RGL1: variants seen among roughly 807,000 people sequenced by gnomAD.
RGL1 encodes the protein ral guanine nucleotide dissociation stimulator like 1.
Under a neutral mutation model 95.2 loss-of-function variants are expected in RGL1, and 24 were observed. That is an observed-to-expected ratio of 0.25 (90% CI 0.18 to 0.35). The LOEUF is 0.35. Ranked by LOEUF, RGL1 falls within the 10% of genes least tolerant of loss-of-function variation. RGL1 has a pLI of 1.00. For synonymous variants in RGL1, 329 were observed against 344.9 expected (o/e 0.95, Z 0.51); for missense variants, 715 against 936.3 (o/e 0.76, Z 3.08).
At chr1:183,879,500 C>G (rs1325658596) in intron 4 of RGL1, among the ~76,000 whole-genome samples, 1 of 152,168 alleles carries the variant, frequency 6.6e-6, no homozygotes, top group East Asian at 1.9e-4. Context: ...CTAAAAAATT[C>G]TTTTTGGCTG....
chr1:183,731,848 T>C (rs1384496154), intron 1 of RGL1, among the ~76,000 whole-genome samples: 1 of 152,182 alleles, frequency 6.6e-6, no homozygotes, highest in African/African-American at 2.4e-5. Flanking sequence ...TAATCTATCA[T>C]TTTGAAATGT....
intron 1 of RGL1, among the ~76,000 whole-genome samples, chr1:183,658,324 G>C (rs1404357813): frequency 6.6e-6 from 1 of 152,172 alleles, no homozygotes; most frequent in Non-Finnish European, 1.5e-5. Context: ...GGCTGACAGA[G>C]GGCACCTGGA....
In RGL1 at chr1:183,795,746, T is replaced by C. The variant is rs796384118; in HGVS notation, c.133-10629T>C. Reference sequence around the variant, plus strand: ...GTTTTGAGAAGATCACTGTGGTCACTGTGTGGAGGATAAATTAAAGTGGGC... The same window carrying C: ...GTTTTGAGAAGATCACTGTGGTCACCGTGTGGAGGATAAATTAAAGTGGGC... On this transcript the variant is annotated intron_variant, in intron 2 of 18. Coordinates refer to the RGL1 transcript ENST00000304685. Among the ~76,000 whole-genome samples, 5 of 152,344 alleles carry C rather than the reference T, an allele frequency of 3.3e-5. 1 individual carries two copies. Among genetic ancestry groups the C allele is most frequent in the African/African-American group, 1.2e-4 (5 of 41,580 alleles).
intron 1 of RGL1, among the ~76,000 whole-genome samples, chr1:183,704,436 C>T (rs539323734): frequency 6.6e-6 from 1 of 152,096 alleles, no homozygotes; most frequent in African/African-American, 2.4e-5. Flanking sequence ...GGAGGTGGTT[C>T]TTAGAGGGAG....
chr1:183,879,121 A>G (rs1029385307), intron 4 of RGL1, among the ~76,000 whole-genome samples: 2 of 152,168 alleles, frequency 1.3e-5, no homozygotes, highest in East Asian at 3.8e-4. Context: ...TATGACTTTC[A>G]TTTGATGGTT....
chr1:183,871,242 CTTTG>C (rs760799720), intron 4 of RGL1, among the ~76,000 whole-genome samples: 148 of 152,266 alleles, frequency 9.7e-4, no homozygotes, highest in Middle Eastern at 3.4e-3. Flanking sequence ...CATACACAAG[CTTTG>C]TTTGTTATTA....
At chr1:183,644,415 G>A (rs1418903293) in intron 1 of RGL1, among the ~76,000 whole-genome samples, 1 of 152,020 alleles carries the variant, frequency 6.6e-6, no homozygotes, top group East Asian at 1.9e-4. Context: ...CTCACTCAAT[G>A]TTAGTAATAA....
intron 4 of RGL1, among the ~76,000 whole-genome samples, chr1:183,874,970 T>G (rs967594544): frequency 6.6e-6 from 1 of 152,186 alleles, no homozygotes; most frequent in Non-Finnish European, 1.5e-5. Context: ...CAAAGTGTAT[T>G]AGATCCTGCC....
At chr1:183,719,576 G>A (rs542596395) in intron 1 of RGL1, among the ~76,000 whole-genome samples, 1 of 152,182 alleles carries the variant, frequency 6.6e-6, no homozygotes, top group South Asian at 2.1e-4. Flanking sequence ...GTAAATATTT[G>A]CAAAGGGTGT....
At chr1:183,868,378 A>G (rs1263924917) in intron 4 of RGL1, among the ~76,000 whole-genome samples, 1 of 152,170 alleles carries the variant, frequency 6.6e-6, no homozygotes, top group East Asian at 1.9e-4. Context: ...GGAGGGAAAC[A>G]ATATAATCTA....
chr1:183,884,826 T>C lies in RGL1; in HGVS notation c.839T>C (p.Ile280Thr). ...KHLAPTIRAT[I>T]SQFNTLTKCV... Reference sequence around the variant, plus strand: ...TTGGCTCCTACGATCCGTGCCACCATCTCTCAGTTTAATACCCTCACCAAA... The same window carrying C: ...TTGGCTCCTACGATCCGTGCCACCACCTCTCAGTTTAATACCCTCACCAAA... Residue 280 changes from isoleucine to threonine, a missense_variant, in exon 7 of 18, where the codon ATC becomes ACC. Ile to Thr is a moderately conservative substitution (Grantham distance 89, BLOSUM62 -1). Transcript: ENST00000360851. The C allele has an allele frequency of 6.2e-7, 1 of 1,614,122 alleles. No homozygotes were observed. The highest frequency in any genetic ancestry group is 2.2e-5 in the East Asian group (1 of 44,876).
chr1:183,664,293 G>A (rs942090568), intron 1 of RGL1, among the ~76,000 whole-genome samples: 12 of 152,076 alleles, frequency 7.9e-5, no homozygotes, highest in South Asian at 2.1e-4. Flanking sequence ...GTAAAGAGAT[G>A]CAACTGTGTT....
chr1:183,855,515 G>A (rs1374073465), intron 3 of RGL1, among the ~76,000 whole-genome samples: 2 of 152,244 alleles, frequency 1.3e-5, no homozygotes, highest in Non-Finnish European at 2.9e-5. Flanking sequence ...GGCATGCAGT[G>A]TTCATGTTCC....
chr1:183,746,709 T>C (rs1168038376), intron 2 of RGL1, among the ~76,000 whole-genome samples: 1 of 151,914 alleles, frequency 6.6e-6, no homozygotes, highest in Non-Finnish European at 1.5e-5. Flanking sequence ...AGGTTTGTTA[T>C]ACAGGTATAC....
intron 2 of RGL1, among the ~76,000 whole-genome samples, chr1:183,772,339 C>T (rs1558198233): frequency 6.6e-6 from 1 of 152,166 alleles, no homozygotes; most frequent in Non-Finnish European, 1.5e-5. Context: ...TGTATGCTCC[C>T]CTAGAGGTTT....
intron 2 of RGL1, among the ~76,000 whole-genome samples, chr1:183,834,369 C>T (rs1388676456): frequency 6.6e-6 from 1 of 152,010 alleles, no homozygotes; most frequent in African/African-American, 2.4e-5. Context: ...GAGTCTAGTT[C>T]CTTGCCCACC....
intron 12 of RGL1, among the ~76,000 whole-genome samples, chr1:183,904,219 A>G (rs186895966): frequency 6.6e-6 from 1 of 152,314 alleles, no homozygotes; most frequent in East Asian, 1.9e-4. Flanking sequence ...CAACATAATT[A>G]TGTACTTGCC....
chr1:183,737,722 T>G (rs1390871264), intron 1 of RGL1, among the ~76,000 whole-genome samples: 1 of 152,222 alleles, frequency 6.6e-6, no homozygotes, highest in African/African-American at 2.4e-5. Context: ...TGAGGCAGTA[T>G]GCAATCACAA....
intron 1 of RGL1, among the ~76,000 whole-genome samples, chr1:183,671,929 T>G (rs1025606688): frequency 6.9e-6 from 1 of 145,264 alleles, no homozygotes; most frequent in Non-Finnish European, 1.5e-5. Flanking sequence ...TACCTTTGAT[T>G]TTTTTTTTCT....
Sources: gnomAD v4.1 joint callset for allele counts (sites outside exome capture counted in the v4.1 genomes callset) on GRCh38, gnomAD v4.1.1 for gene constraint, MANE v1.5 for transcripts, NCBI Gene and HGNC (gene_info 2026-07-23, HGNC 2026-07-21) for gene names.